Variants in CRADD observed in about 807,000 individuals in gnomAD.
CRADD encodes CARD and death domain containing adaptor protein.
In CRADD, 9 loss-of-function variants were observed where a neutral mutation model predicts 15.5. The ratio of observed to expected loss-of-function variants is 0.58; its 90% CI spans 0.35 to 1.01. CRADD has a LOEUF of 1.01. CRADD is among the 50% of genes least tolerant of loss of function. The pLI, the probability that CRADD is intolerant of heterozygous loss-of-function variation, is 0.02. For synonymous variants in CRADD, 118 were observed against 107.6 expected (o/e 1.10, Z -0.60); for missense variants, 227 against 250.3 (o/e 0.91, Z 0.63).
At chr12:93,772,250 G>A (rs1443095394) in intron 2 of CRADD, among the ~76,000 whole-genome samples, 10 of 152,182 alleles carry the variant, frequency 6.6e-5, no homozygotes, top group African/African-American at 1.2e-4. Context: ...TTATGAGCTC[G>A]TTAGCCACTG....
At chr12:93,886,162 C>CATTTTTTTTTTTTTTT in intron 2 of CRADD, among the ~76,000 whole-genome samples, 1 of 123,948 alleles carries the variant, frequency 8.1e-6, no homozygotes, top group Non-Finnish European at 1.7e-5. Context: ...GCTGCTGATG[C>CATTTTTTTTTTTTTTT]TTTTTTTTTT....
At chr12:93,707,145 T>A (rs1471209776) in intron 2 of CRADD, among the ~76,000 whole-genome samples, 1 of 152,236 alleles carries the variant, frequency 6.6e-6, no homozygotes, top group African/African-American at 2.4e-5. Context: ...CATTGAACCT[T>A]GGTTAAACCT....
chr12:93,689,893 G>T lies in CRADD; in HGVS notation c.298+10821G>T, dbSNP rs78468551. On this transcript the variant is annotated intron_variant, in intron 2 of 2. Transcript: ENST00000332896. ...TGTCCTGTTGCTAGAACTATAGAAG[G>T]TTAGAGTTGGAAGGGATCTTAGAAA... Among the ~76,000 whole-genome samples the T allele has an allele frequency of 9.2e-3, 1,407 of 152,282 alleles. 16 individuals are homozygous for T. Among genetic ancestry groups the T allele is most frequent in the African/African-American group, 0.032 (1,348 of 41,562 alleles).
intron 2 of CRADD, among the ~76,000 whole-genome samples, chr12:93,857,235 C>T (rs1185413505): frequency 6.6e-6 from 1 of 151,996 alleles, no homozygotes; most frequent in Admixed American, 6.6e-5. Context: ...TGTCAAATTA[C>T]ATTCTTAATG....
chr12:93,707,770 G>A (rs1443385844), intron 2 of CRADD: 1 of 152,196 alleles, frequency 6.6e-6, no homozygotes, highest in Non-Finnish European at 1.5e-5. Context: ...TTAATGGCTA[G>A]TGATGAGATC....
chr12:93,780,603 G>C (rs1304567697), intron 2 of CRADD, among the ~76,000 whole-genome samples: 1 of 152,044 alleles, frequency 6.6e-6, no homozygotes, highest in Non-Finnish European at 1.5e-5. Context: ...CATTTTTTTG[G>C]TTTAAATTAT....
At chr12:93,707,915 C>T (rs1955986650) in intron 2 of CRADD, 1 of 152,212 alleles carries the variant, frequency 6.6e-6, no homozygotes, top group Non-Finnish European at 1.5e-5. Context: ...TTAGACAAAA[C>T]TCTGATGTAA....
chr12:93,780,278 G>A (rs112584812), intron 2 of CRADD, among the ~76,000 whole-genome samples: 178 of 152,314 alleles, frequency 1.2e-3, no homozygotes, highest in Middle Eastern at 3.4e-3. Context: ...AAGCATGCAC[G>A]ATAGATAATG....
chr12:93,802,297 A>G (rs1203270669), intron 2 of CRADD, among the ~76,000 whole-genome samples: 4 of 152,232 alleles, frequency 2.6e-5, no homozygotes, highest in East Asian at 3.8e-4. Context: ...ACTAATTTAC[A>G]TTCCCACCAG....
chr12:93,757,934 A>T (rs1956909375), intron 2 of CRADD, among the ~76,000 whole-genome samples: 2 of 152,214 alleles, frequency 1.3e-5, no homozygotes, highest in African/African-American at 4.8e-5. Context: ...GGCTTGGACA[A>T]GGGTGGCAGT....
At chr12:93,873,359 A>T (rs926503683) in intron 2 of CRADD, among the ~76,000 whole-genome samples, 2 of 152,132 alleles carry the variant, frequency 1.3e-5, no homozygotes, top group East Asian at 1.9e-4. Context: ...GCAAACAAGG[A>T]TAATCTGACT....
intron 2 of CRADD, among the ~76,000 whole-genome samples, chr12:93,763,772 C>T (rs1411831201): frequency 6.6e-6 from 1 of 152,186 alleles, no homozygotes; most frequent in African/African-American, 2.4e-5. Context: ...TCACAATCCC[C>T]AAGCCCCTGG....
chr12:93,680,783 G>A (rs1044153560), intron 2 of CRADD, among the ~76,000 whole-genome samples: 6 of 152,288 alleles, frequency 3.9e-5, no homozygotes, highest in Admixed American at 1.3e-4. Context: ...CAACAAAACA[G>A]GTGAACTGAA....
At chr12:93,751,227 C>CA (rs1196257664) in intron 2 of CRADD, among the ~76,000 whole-genome samples, 1 of 152,134 alleles carries the variant, frequency 6.6e-6, no homozygotes, top group Admixed American at 6.5e-5. Context: ...GCACAGATCA[C>CA]AAAAATCTCT....
At chr12:93,754,866 T>C (rs1459343674) in intron 2 of CRADD, among the ~76,000 whole-genome samples, 3 of 152,150 alleles carry the variant, frequency 2.0e-5, no homozygotes, top group African/African-American at 7.2e-5. Context: ...TCCACATTTT[T>C]GGGTATCTTT....
At chr12:93,856,524 G>T (rs983226465) in intron 2 of CRADD, among the ~76,000 whole-genome samples, 10 of 152,234 alleles carry the variant, frequency 6.6e-5, no homozygotes, top group African/African-American at 2.4e-4. Context: ...CTGAGCTTTT[G>T]TAAGTCCTGC....
intron 2 of CRADD, among the ~76,000 whole-genome samples, chr12:93,774,042 C>T (rs1252556063): frequency 4.8e-5 from 7 of 146,668 alleles, no homozygotes; most frequent in African/African-American, 1.8e-4. Context: ...CACCTTGTTG[C>T]CCAGGCTGGT....
intron 2 of CRADD, among the ~76,000 whole-genome samples, chr12:93,734,818 C>T (rs926529060): frequency 6.6e-6 from 1 of 152,134 alleles, no homozygotes; most frequent in Non-Finnish European, 1.5e-5. Flanking sequence ...TCTCTGTTTC[C>T]CTCCTTGTCC....
At chr12:93,794,434 T>C (rs969883451) in intron 2 of CRADD, among the ~76,000 whole-genome samples, 5 of 152,174 alleles carry the variant, frequency 3.3e-5, no homozygotes, top group African/African-American at 9.7e-5. Flanking sequence ...AACACTGTTA[T>C]ATATCTGGCT....
Sources: gnomAD v4.1 joint callset for allele counts (sites outside exome capture counted in the v4.1 genomes callset) on GRCh38, gnomAD v4.1.1 for gene constraint, MANE v1.5 for transcripts, NCBI Gene and HGNC (gene_info 2026-07-23, HGNC 2026-07-21) for gene names.